The following CPT2 variants were observed in gnomAD, a reference collection of about 807,000 sequenced individuals.
CPT2 encodes the protein carnitine O-palmitoyltransferase 2, mitochondrial.
CPT2 carries 37 observed loss-of-function variants against 48.6 expected under a neutral mutation model. That is an observed-to-expected ratio of 0.76 (90% CI 0.59 to 1.00). The LOEUF (loss-of-function observed/expected upper bound fraction) is 1.00. Ranked by LOEUF, CPT2 falls within the 50% of genes least tolerant of loss-of-function variation. The pLI, the probability that CPT2 is intolerant of heterozygous loss-of-function variation, is 0.00. For missense variants in CPT2, 772 were observed against 825.6 expected (o/e 0.94, Z 0.80); for synonymous variants, 319 against 326.9 (o/e 0.98, Z 0.26).
intron 1 of CPT2, 28 bp downstream of exon 1, chr1:53,197,123 C>G (rs1217028914): frequency 3.3e-6 from 5 of 1,536,302 alleles, no homozygotes; most frequent in South Asian, 2.4e-5. Context: ...GTCCCCGCCG[C>G]CCGCCGCCGT....
chr1:53,204,920 TGTCA>T (rs1232840208), intron 3 of CPT2, among the ~76,000 whole-genome samples: 1 of 152,216 alleles, frequency 6.6e-6, no homozygotes, highest in African/African-American at 2.4e-5. Context: ...CACAAGGAAC[TGTCA>T]GTCAATTAGA....
At chr1:53,200,345 A>G in intron 1 of CPT2, 1 of 190,892 alleles carries the variant, frequency 5.2e-6, no homozygotes, top group South Asian at 9.2e-5. Flanking sequence ...CTAGGGGAGA[A>G]AAATGCAGTT....
chr1:53,213,504 C>T lies in CPT2; in HGVS notation c.1886C>T (p.Pro629Leu), dbSNP rs767530116. 56 of 1,614,160 alleles carry T rather than the reference C, an allele frequency of 3.5e-5. No homozygotes were observed. The highest frequency in any genetic ancestry group is 4.7e-5 in the Non-Finnish European group (55 of 1,180,058). ...NWIGCNVSSYPGRNAREFLQC... is the reference protein window; with the variant it reads ...NWIGCNVSSYLGRNAREFLQC... ...ATAGGCTGCAATGTCTCTTCCTACCCAGGCCGCAATGCCCGGGAGTTTCTC... is the reference window on the plus strand; with the variant it reads ...ATAGGCTGCAATGTCTCTTCCTACCTAGGCCGCAATGCCCGGGAGTTTCTC... The change falls in exon 5 of 5, where the codon CCA (proline) becomes CTA (leucine). Residue 629 changes from proline (P) to leucine (L), a missense_variant. Physicochemically the swap from Pro to Leu is moderately conservative, Grantham distance 98. Transcript: ENST00000371486.
Position 53,196,866 on chromosome 1 carries a change from A to C in CPT2, c.-78A>C, listed in dbSNP as rs527634657. 59 of 1,507,372 alleles carry C rather than the reference A, an allele frequency of 3.9e-5. No individual in the cohort carries two copies. The South Asian group carries it at 6.8e-4, about 17-fold the overall frequency. The allele number at this position is 1,507,372 out of a possible 1,614,324, so 93.4% of individuals were successfully genotyped here. On this transcript the variant is annotated 5_prime_UTR_variant, in exon 1 of 5. Transcript: ENST00000371486. Reference sequence around the variant, plus strand: ...GTCCTGACGCAGTGTCTTGGGCGCTAACGGCGGCGGCGGCCTTGTGTTTAG... The same window carrying C: ...GTCCTGACGCAGTGTCTTGGGCGCTCACGGCGGCGGCGGCCTTGTGTTTAG...
intron 3 of CPT2, chr1:53,209,051 G>T (rs114251062): frequency 1.2e-3 from 177 of 152,288 alleles, no homozygotes; most frequent in African/African-American, 4.1e-3. Flanking sequence ...ACATGTATAA[G>T]AATGTTCATA....
intron 3 of CPT2, among the ~76,000 whole-genome samples, chr1:53,204,650 T>C (rs1334593964): frequency 6.6e-6 from 1 of 152,196 alleles, no homozygotes; most frequent in Non-Finnish European, 1.5e-5. Context: ...GGTTTGGCTC[T>C]ATGTCCCCAC....
At position 53,213,709 on chromosome 1, in the gene CPT2, ACTT is replaced by A. The variant is rs983090364; in HGVS notation, c.*115_*117del. 8 of 976,054 alleles carry A rather than the reference ACTT, an allele frequency of 8.2e-6. No homozygotes were observed. The highest frequency in any genetic ancestry group is 2.0e-5 in the Admixed American group (1 of 49,558). 60.5% of individuals were successfully genotyped at this position (976,054 alleles called of 1,614,324 possible). A position where few individuals can be genotyped will look rare whatever the true frequency, so the allele number is the denominator to read the frequency against. ...TTTGAGAGGCTGAGGCGGGTGGATC[ACTT>A]GAGGTCAGGAGTTTGAGACCAACCT... On this transcript the variant is annotated 3_prime_UTR_variant, in exon 5 of 5. Transcript: ENST00000371486.
At position 53,210,677 on chromosome 1, in the gene CPT2, C is replaced by T. The variant is rs780263768; in HGVS notation, c.1003C>T (p.Leu335Phe). ...LCLDDFPIKD[L>F]VHLSHNMLHG... ...CCTAGATGACTTCCCCATTAAGGACCTTGTCCACTTGTCCCACAATATGCT... is the reference window on the plus strand; with the variant it reads ...CCTAGATGACTTCCCCATTAAGGACTTTGTCCACTTGTCCCACAATATGCT... Residue 335 changes from leucine to phenylalanine, a missense_variant, in exon 4 of 5, where the codon CTT becomes TTT. Physicochemically the swap from Leu to Phe is conservative, Grantham distance 22. Coordinates refer to ENST00000371486, the MANE Select transcript of CPT2 (RefSeq NM_000098.3). 6.2e-7 allele frequency: 1 copy of T among 1,614,182 alleles called. No individual in the cohort carries two copies. Among genetic ancestry groups the T allele is most frequent in the Non-Finnish European group, 8.5e-7 (1 of 1,180,042 alleles).
At chr1:53,205,836 C>A (rs1013956757) in intron 3 of CPT2, among the ~76,000 whole-genome samples, 6 of 152,362 alleles carry the variant, frequency 3.9e-5, no homozygotes, top group Non-Finnish European at 2.9e-5. Flanking sequence ...GCATTGGAGG[C>A]TTCCCCATGG....
chr1:53,205,395 C>CT (rs1448932056), intron 3 of CPT2, among the ~76,000 whole-genome samples: 3 of 152,094 alleles, frequency 2.0e-5, no homozygotes, highest in Non-Finnish European at 4.4e-5. Context: ...TTCAAGATGG[C>CT]TTTTTCTGAA....
rs1469108369 is a variant in CPT2, at chr1:53,211,106, C to T, written c.1432C>T (p.Gln478Ter). ...GGCATTCCAGATGGCCTTCCTGCGGCAGTACGGGCAGACAGTGGCCACCTA... is the reference window on the plus strand; with the variant it reads ...GGCATTCCAGATGGCCTTCCTGCGGTAGTACGGGCAGACAGTGGCCACCTA... The part of the protein sequence containing the change: ...QLAFQMAFLR[Q>*]YGQTVATYES... Residue 478 changes from glutamine (Q) to a stop codon, truncating the protein, a stop_gained, in exon 4 of 5, where the codon CAG (glutamine) becomes TAG (stop). Coordinates refer to ENST00000371486, the MANE Select transcript of CPT2 (RefSeq NM_000098.3). LOFTEE classifies it high-confidence loss of function. 6.2e-7 allele frequency: 1 copy of T among 1,614,088 alleles called. No individual in the cohort carries two copies. Among genetic ancestry groups the T allele is most frequent in the South Asian group, 1.1e-5 (1 of 91,048 alleles).
rs762105213 is a variant in CPT2 at position 53,210,553 on chromosome 1, T to C, written c.879T>C (p.Ser293=). ...APEFPLAYLT[S]ENRDIWAELR... ...AGTTTCCCCTGGCATACCTGACCAG[T>C]GAGAACCGAGACATCTGGGCAGAGC... Residue 293 remains serine (S), a synonymous_variant, in exon 4 of 5, where the codon AGT becomes AGC. Transcript: ENST00000371486. 2 of 1,614,084 alleles carry C rather than the reference T, an allele frequency of 1.2e-6. No homozygotes were observed. The highest frequency in any genetic ancestry group is 1.7e-6 in the Non-Finnish European group (2 of 1,180,000).
Position 53,210,661 on chromosome 1 carries a change from C to CT in CPT2, c.989dup (p.Ile332HisfsTer2), listed in dbSNP as rs1553169716. The CT allele has an allele frequency of 1.2e-6, 2 of 1,614,192 alleles. No individual in the cohort carries two copies. Among genetic ancestry groups the CT allele is most frequent in the East Asian group, 4.5e-5 (2 of 44,886 alleles). On this transcript the variant is annotated frameshift_variant, in exon 4 of 5. Coordinates refer to ENST00000371486, the MANE Select transcript of CPT2 (RefSeq NM_000098.3). LOFTEE classifies it high-confidence loss of function. The stretch of plus-strand genomic sequence containing the variant: ...CAGTGTTCTGTCTCTGCCTAGATGA[C>CT]TTCCCCATTAAGGACCTTGTCCACT...
In CPT2 at chr1:53,210,728, T is replaced by C. The variant is rs750339299; in HGVS notation, c.1054T>C (p.Phe352Leu). Residue 352 changes from phenylalanine (F) to leucine (L), a missense_variant, in exon 4 of 5, where the codon TTT becomes CTT. Physicochemically the swap from Phe to Leu is conservative, Grantham distance 22 (BLOSUM62 0). Coordinates refer to ENST00000371486, the MANE Select transcript of CPT2 (RefSeq NM_000098.3). ...GCATGGGGATGGCACAAACCGCTGGTTTGATAAATCCTTTAACCTCATTAT... is the reference window on the plus strand; with the variant it reads ...GCATGGGGATGGCACAAACCGCTGGCTTGATAAATCCTTTAACCTCATTAT... ...MLHGDGTNRWFDKSFNLIIAK... is the reference protein window; with the variant it reads ...MLHGDGTNRWLDKSFNLIIAK... The C allele has an allele frequency of 1.2e-6, 2 of 1,614,230 alleles. No homozygotes were observed. Among genetic ancestry groups the C allele is most frequent in the East Asian group, 4.5e-5 (2 of 44,884 alleles).
At position 53,197,572 on chromosome 1, in the gene CPT2, C is replaced by T. The variant is rs576149770; in HGVS notation, c.152+477C>T. The T allele has an allele frequency of 7.4e-5, 19 of 256,332 alleles. No individual in the cohort carries two copies. The Admixed American group carries it at 8.5e-4, about 11-fold the overall frequency. The allele number at this position is 256,332 out of a possible 1,614,324, so 15.9% of individuals were successfully genotyped here. ...ACTTCTCCCAGCACCGCCTTCACCC[C>T]TGTCACTCAGGACCCTCAGCCCCAC... On this transcript the variant is annotated intron_variant, in intron 1 of 4. Transcript: ENST00000371486.
rs748946176 is a variant in CPT2 at position 53,213,555 on chromosome 1, A to G, written c.1937A>G (p.Asp646Gly). ...FLQCVEKALEDMFDALEGKSI... is the reference protein window; with the variant it reads ...FLQCVEKALEGMFDALEGKSI... The stretch of plus-strand genomic sequence containing the variant: ...CAATGTGTGGAGAAGGCCTTAGAAG[A>G]CATGTTTGATGCCTTAGAAGGCAAA... The change falls in exon 5 of 5, where the codon GAC (aspartate) becomes GGC (glycine). Residue 646 changes from aspartate to glycine, a missense_variant. Coordinates refer to ENST00000371486, the MANE Select transcript of CPT2 (RefSeq NM_000098.3). 6.2e-7 allele frequency: 1 copy of G among 1,614,166 alleles called. No homozygotes were observed.
intron 4 of CPT2, among the ~76,000 whole-genome samples, chr1:53,213,007 T>C (rs1645439411): frequency 6.6e-6 from 1 of 152,186 alleles, no homozygotes; most frequent in Non-Finnish European, 1.5e-5. Context: ...TATGCTTTCC[T>C]TTTAGGCTCA....
Position 53,197,074 on chromosome 1 carries a change from A to G in CPT2, c.131A>G (p.His44Arg). 1 of 1,539,072 alleles carries G rather than the reference A, an allele frequency of 6.5e-7. No individual in the cohort carries two copies. Among genetic ancestry groups the G allele is most frequent in the East Asian group, 2.4e-5 (1 of 40,868 alleles). ...CAGCGCAGCATCGTGCCCACCATGC[A>G]CTACCAGGACAGCCTGCCCAGGTGA... ...YLQRSIVPTM[H>R]YQDSLPRLPI... The change falls in exon 1 of 5, where the codon CAC becomes CGC. Residue 44 changes from histidine to arginine, a missense_variant. Coordinates refer to ENST00000371486, the MANE Select transcript of CPT2 (RefSeq NM_000098.3).
At position 53,196,990 on chromosome 1, in the gene CPT2, T is replaced by G; in HGVS notation, c.47T>G (p.Val16Gly). ...LLRAWPRGPA[V>G]GPGAPSRPLS... ...CGCGCCTGGCCCCGGGGCCCCGCGG[T>G]TGGTCCGGGAGCCCCCAGTCGGCCC... The change falls in exon 1 of 5, where the codon GTT becomes GGT. Residue 16 changes from valine to glycine, a missense_variant. Physicochemically the swap from Val to Gly is moderately radical, Grantham distance 109 (BLOSUM62 -3). Transcript: ENST00000371486. 1 of 1,526,986 alleles carries G rather than the reference T, an allele frequency of 6.5e-7. No homozygotes were observed. Among genetic ancestry groups the G allele is most frequent in the Non-Finnish European group, 8.7e-7 (1 of 1,142,968 alleles). The allele number at this position is 1,526,986 out of a possible 1,614,324, so 94.6% of individuals were successfully genotyped here.
Sources: gnomAD v4.1 joint callset for allele counts (sites outside exome capture counted in the v4.1 genomes callset) on GRCh38, gnomAD v4.1.1 for gene constraint, MANE v1.5 for transcripts, NCBI Gene and HGNC (gene_info 2026-07-23, HGNC 2026-07-21) for gene names.